BAZ1A: variants seen among roughly 807,000 people sequenced by gnomAD.
The protein encoded by BAZ1A is bromodomain adjacent to zinc finger domain 1A.
A neutral mutation model predicts 185.2 loss-of-function variants in BAZ1A; 50 were observed. The observed-to-expected ratio is 0.27, with a 90% CI of 0.22 to 0.34. The LOEUF (loss-of-function observed/expected upper bound fraction) is 0.34, where lower values mean the gene tolerates loss of function less well. Among genes scored for constraint, BAZ1A ranks in the 10% least tolerant of loss-of-function variants. The pLI is 1.00. For synonymous variants in BAZ1A, 571 were observed against 615.6 expected (o/e 0.93, Z 1.07); for missense variants, 1,356 against 1,839.9 (o/e 0.74, Z 4.81).
chr14:34,832,191 TACACACACACAC>T (rs57379319), intron 3 of BAZ1A, among the ~76,000 whole-genome samples: 1 of 96,564 alleles, frequency 1.0e-5, no homozygotes, highest in East Asian at 2.8e-4. Flanking sequence ...TATATACATA[TACACACACACAC>T]ACACACACAC....
At chr14:34,854,252 C>T (rs1192169419) in intron 3 of BAZ1A, among the ~76,000 whole-genome samples, 2 of 151,870 alleles carry the variant, frequency 1.3e-5, no homozygotes, top group Non-Finnish European at 2.9e-5. Context: ...CATGGCAACT[C>T]CCTGTCTAAA....
chr14:34,805,281 A>G (rs761285763), intron 6 of BAZ1A, among the ~76,000 whole-genome samples: 2 of 152,216 alleles, frequency 1.3e-5, no homozygotes, highest in Non-Finnish European at 2.9e-5. Context: ...CAGCATATCC[A>G]TTAATAATCT....
At chr14:34,806,388 T>C (rs187595165) in intron 6 of BAZ1A, among the ~76,000 whole-genome samples, 19 of 152,214 alleles carry the variant, frequency 1.2e-4, no homozygotes, top group African/African-American at 4.6e-4. Context: ...GCAGATTACT[T>C]TATCACCCAG....
intron 2 of BAZ1A, among the ~76,000 whole-genome samples, chr14:34,862,618 A>G (rs749699874): frequency 3.5e-4 from 54 of 152,128 alleles, no homozygotes; most frequent in Non-Finnish European, 1.0e-4. Context: ...AGCAGCTAAC[A>G]AGAAAAAAGC....
At chr14:34,844,559 G>A (rs1044392484) in intron 3 of BAZ1A, among the ~76,000 whole-genome samples, 4 of 151,760 alleles carry the variant, frequency 2.6e-5, no homozygotes, top group Non-Finnish European at 4.4e-5. Context: ...GGAGGATCAC[G>A]TGAGCCCAGG....
rs758389373 is a variant in BAZ1A, at chr14:34,773,606, T to C, written c.3118A>G (p.Ile1040Val). 1 of 1,611,668 alleles carries C rather than the reference T, an allele frequency of 6.2e-7. No individual in the cohort carries two copies. The highest frequency in any genetic ancestry group is 1.7e-5 in the Admixed American group (1 of 59,556). The change falls in exon 20 of 27, where the codon ATT (isoleucine) becomes GTT (valine). Residue 1040 changes from isoleucine to valine, a missense_variant. Physicochemically the swap from Ile to Val is conservative, Grantham distance 29. This residue lies in a region of BAZ1A where 434 missense variants were observed against 561.7 expected (regional missense o/e 0.77). Coordinates refer to ENST00000360310, the MANE Select transcript of BAZ1A (RefSeq NM_013448.3). ...TVNEDVEEME[I>V]DEQTKVIVKD... ...ACTATGACCTTTGTTTGTTCATCAATTTCCATCTCTTCTACGTCTTCATTC... is the reference window on the plus strand; with the variant it reads ...ACTATGACCTTTGTTTGTTCATCAACTTCCATCTCTTCTACGTCTTCATTC...
intron 4 of BAZ1A, among the ~76,000 whole-genome samples, chr14:34,811,603 G>A (rs1012613773): frequency 2.0e-5 from 3 of 152,034 alleles, no homozygotes; most frequent in Non-Finnish European, 4.4e-5. Flanking sequence ...TGGCATTACA[G>A]GCATGAGCCA....
intron 3 of BAZ1A, 84 bp from the exon 4 acceptor site, chr14:34,826,240 CTAGT>C (rs1314496018): frequency 7.0e-6 from 10 of 1,435,950 alleles, no homozygotes; most frequent in African/African-American, 1.4e-5. Context: ...TTGTTTTGAA[CTAGT>C]TATTTTGTTT....
rs554034505 is a variant in BAZ1A at position 34,755,079 on chromosome 14, G to C, written c.4387-165C>G. Among the ~76,000 whole-genome samples, 3 of 151,916 alleles carry C rather than the reference G, an allele frequency of 2.0e-5. No homozygotes were observed. The East Asian group carries it at 5.8e-4, about 29-fold the overall frequency. ...TATAGATATATATGTCTATATAGAT[G>C]TGTCTATACAGATATATATCTATAT... On this transcript the variant is annotated intron_variant, in intron 25 of 26. Transcript: ENST00000360310.
chr14:34,779,589 GAATT>G lies in BAZ1A; in HGVS notation c.2236+593_2236+596del, dbSNP rs764633549. Among the ~76,000 whole-genome samples the G allele has an allele frequency of 9.2e-4, 140 of 152,118 alleles. 1 individual carries two copies. Among genetic ancestry groups the G allele is most frequent in the African/African-American group, 3.1e-3 (129 of 41,498 alleles). On this transcript the variant is annotated intron_variant, in intron 17 of 26. Transcript: ENST00000360310. ...AGATCCCATGCAAATTATAGGCACA[GAATT>G]AATTAAGGATTTCTTTTGATAGTCA...
chr14:34,822,693 G>A (rs962343215), intron 4 of BAZ1A, among the ~76,000 whole-genome samples: 1 of 152,062 alleles, frequency 6.6e-6, no homozygotes, highest in African/African-American at 2.4e-5. Context: ...CCAAGTATCC[G>A]TATACAAGGG....
intron 2 of BAZ1A, among the ~76,000 whole-genome samples, chr14:34,862,908 T>C (rs1328442391): frequency 2.0e-5 from 3 of 151,780 alleles, no homozygotes; most frequent in African/African-American, 4.8e-5. Context: ...TGGGGAACCA[T>C]TCTATTCAGT....
intron 4 of BAZ1A, among the ~76,000 whole-genome samples, chr14:34,825,046 G>A (rs2042145790): frequency 6.6e-6 from 1 of 152,160 alleles, no homozygotes. Flanking sequence ...TTCTCCAACA[G>A]CACCCAGCTG....
At chr14:34,818,372 T>A (rs1228520635) in intron 4 of BAZ1A, among the ~76,000 whole-genome samples, 1 of 152,246 alleles carries the variant, frequency 6.6e-6, no homozygotes, top group Non-Finnish European at 1.5e-5. Flanking sequence ...ACAAAATTTC[T>A]ATTTCAAAGT....
chr14:34,832,213 C>CATATATATATATATATATAT (rs1491212993), intron 3 of BAZ1A, among the ~76,000 whole-genome samples: 87 of 78,606 alleles, frequency 1.1e-3, no homozygotes, highest in Middle Eastern at 6.7e-3. Flanking sequence ...CACACACACA[C>CATATATATATATATATATAT]ACATATATAT....
At chr14:34,777,396 A>C (rs1879704391) in intron 17 of BAZ1A, among the ~76,000 whole-genome samples, 1 of 152,110 alleles carries the variant, frequency 6.6e-6, no homozygotes, top group African/African-American at 2.4e-5. Flanking sequence ...GTAATCCCAG[A>C]ACTTTGGGAG....
chr14:34,793,361 A>G (rs1880973652), intron 11 of BAZ1A, among the ~76,000 whole-genome samples: 1 of 152,238 alleles, frequency 6.6e-6, no homozygotes, highest in South Asian at 2.1e-4. Context: ...TAAGTCATAA[A>G]TAAATGTTTT....
At chr14:34,803,148 A>G (rs538030127) in intron 6 of BAZ1A, among the ~76,000 whole-genome samples, 160 bp from the exon 7 acceptor site, 1 of 152,312 alleles carries the variant, frequency 6.6e-6, no homozygotes, top group East Asian at 1.9e-4. Flanking sequence ...TGGGAGGCCG[A>G]GGCGGGCGGA....
At position 34,832,215 on chromosome 14, in the gene BAZ1A, C is replaced by CACACACACACATATATATATAT; in HGVS notation, c.393-6060_393-6059insATATATATATATGTGTGTGTGT. Among the ~76,000 whole-genome samples, 418 of 89,646 alleles carry CACACACACACATATATATATAT rather than the reference C, an allele frequency of 4.7e-3. 8 individuals are homozygous for CACACACACACATATATATATAT. Among genetic ancestry groups the CACACACACACATATATATATAT allele is most frequent in the Admixed American group, 7.3e-3 (54 of 7,360 alleles). 58.8% of individuals were successfully genotyped at this position (89,646 alleles called of 152,430 possible). A position where few individuals can be genotyped will look rare whatever the true frequency, so the allele number is the denominator to read the frequency against. ...ATACACACACACACACACACACACA[C>CACACACACACATATATATATAT]ATATATATATATATATGTATGTATG... On this transcript the variant is annotated intron_variant, in intron 3 of 26. Transcript: ENST00000360310.
Sources: allele counts gnomAD v4.1 joint callset (sites outside exome capture counted in the v4.1 genomes callset), GRCh38; gene constraint gnomAD v4.1.1; regional missense constraint gnomAD v4.1.1; transcripts MANE v1.5; gene names NCBI Gene and HGNC (gene_info 2026-07-23, HGNC 2026-07-21).